The following NF1 variants were observed in gnomAD, a reference collection of about 807,000 sequenced individuals.
NF1 encodes the protein neurofibromin 1, also known as neurofibromin.
Under a neutral mutation model 325.7 loss-of-function variants are expected in NF1, and 122 were observed. That is an observed-to-expected ratio of 0.37 (90% CI 0.32 to 0.44). The LOEUF is 0.44. Among genes scored for constraint, NF1 ranks in the 20% least tolerant of loss-of-function variants. The pLI is 1.00. For synonymous variants in NF1, 1,091 were observed against 1,186.0 expected (o/e 0.92, Z 1.65); for missense variants, 2,140 against 3,415.4 (o/e 0.63, Z 9.31).
chr17:31,134,063 G>C (rs1025808249), intron 1 of NF1, among the ~76,000 whole-genome samples: 1 of 152,102 alleles, frequency 6.6e-6, no homozygotes, highest in Non-Finnish European at 1.5e-5. Flanking sequence ...ATGCAGACTA[G>C]AGTACAGTAT....
In NF1 at chr17:31,330,428, A is replaced by T. The variant is rs1555533874; in HGVS notation, c.5742A>T (p.Thr1914=). 2.5e-6 allele frequency: 4 copies of T among 1,614,008 alleles called. No homozygotes were observed. The highest frequency in any genetic ancestry group is 1.7e-4 in the Middle Eastern group (1 of 6,060). The change falls in exon 39 of 58, where the codon ACA becomes ACT. Residue 1914 remains threonine (T), a synonymous_variant. Transcript: ENST00000358273. ...TCTTTATTGTCTCTATTAGTAAGAC[A>T]CTGGCAGCCAATGAGCCACACCTCA... The part of the protein sequence containing the change: ...NTLFIVSISK[T]LAANEPHLTL...
chr17:31,099,700 C>T (rs1912125572), intron 1 of NF1, among the ~76,000 whole-genome samples: 1 of 151,894 alleles, frequency 6.6e-6, no homozygotes, highest in South Asian at 2.1e-4. Context: ...GCTGGGATTA[C>T]AGGCGCCCAC....
rs2151584968 is a variant in NF1, at chr17:31,358,548, C to T, written c.8039C>T (p.Pro2680Leu). Residue 2680 changes from proline to leucine, a missense_variant, in exon 55 of 58, where the codon CCA (proline) becomes CTA (leucine). Physicochemically the swap from Pro to Leu is moderately conservative, Grantham distance 98. This residue lies in a region of NF1 where 522 missense variants were observed against 749.0 expected (regional missense o/e 0.70). Transcript: ENST00000358273. ...SLCQDPNLLN[P>L]IHGIVQSVVY... ...TGCCAAGATCCAAATTTGTTAAATC[C>T]AATCCATGGAATTGTGCAGAGTGTG... 1 of 1,613,826 alleles carries T rather than the reference C, an allele frequency of 6.2e-7. No homozygotes were observed. The highest frequency in any genetic ancestry group is 8.5e-7 in the Non-Finnish European group (1 of 1,179,860).
At chr17:31,330,200 C>G (rs1042043039) in intron 38 of NF1, 96 bp from the exon 39 acceptor site, 1 of 1,038,870 alleles carries the variant, frequency 9.6e-7, no homozygotes. Flanking sequence ...GTTGATCATA[C>G]TTTGTAACAG....
intron 51 of NF1, among the ~76,000 whole-genome samples, chr17:31,355,461 T>C (rs570864510): frequency 2.0e-5 from 3 of 152,322 alleles, no homozygotes; most frequent in East Asian, 3.9e-4. Context: ...CTATTATGAA[T>C]AGTTATTCAT....
At chr17:31,160,116 C>T (rs767483795) in intron 3 of NF1, among the ~76,000 whole-genome samples, 2 of 152,260 alleles carry the variant, frequency 1.3e-5, no homozygotes, top group Non-Finnish European at 2.9e-5. Context: ...GACAGAGTCT[C>T]ACTCTGCGGC....
chr17:31,181,845 AAAACCTATCATCGT>A, intron 7 of NF1, 60 bp downstream of exon 7: 2 of 1,157,268 alleles, frequency 1.7e-6, no homozygotes, highest in Non-Finnish European at 1.3e-6. Flanking sequence ...TTGTGACATA[AAAACCTATCATCGT>A]TTTCCAAGTT....
intron 36 of NF1, among the ~76,000 whole-genome samples, chr17:31,288,072 A>T (rs1158446988): frequency 6.6e-6 from 1 of 152,014 alleles, no homozygotes; most frequent in Non-Finnish European, 1.5e-5. Context: ...CCTAAAACTT[A>T]AAGTATAATA....
At chr17:31,274,311 G>A (rs2067960723) in intron 36 of NF1, among the ~76,000 whole-genome samples, 1 of 152,006 alleles carries the variant, frequency 6.6e-6, no homozygotes, top group Non-Finnish European at 1.5e-5. Flanking sequence ...TAGCATATAG[G>A]GAAATTGGGT....
Position 31,337,234 on chromosome 17 carries a change from G to A in NF1, c.6428-134G>A, listed in dbSNP as rs1374810500. 9 of 762,484 alleles carry A rather than the reference G, an allele frequency of 1.2e-5. No homozygotes were observed. The East Asian group carries it at 1.9e-4, about 16-fold the overall frequency. The allele number at this position is 762,484 out of a possible 1,614,324, so 47.2% of individuals were successfully genotyped here. The stretch of plus-strand genomic sequence containing the variant: ...GGAGCATTAATACAATGTATCTAGA[G>A]GTTTGATTTAGGGAACATGATTATG... On this transcript the variant is annotated intron_variant, in intron 42 of 57. Coordinates refer to ENST00000358273, the MANE Select transcript of NF1 (RefSeq NM_001042492.3).
rs550872393 is a variant in NF1 at position 31,311,849 on chromosome 17, A to G, written c.4836-13971A>G. Among the ~76,000 whole-genome samples the G allele has an allele frequency of 1.6e-4, 24 of 152,342 alleles. No homozygotes were observed. The South Asian group carries it at 3.9e-3, about 25-fold the overall frequency. ...CTATACTGCCTTTCATAGAAAAGTT[A>G]TGAAATAGAAATGCTTTATGAAGGA... On this transcript the variant is annotated intron_variant, in intron 36 of 57. Coordinates refer to ENST00000358273, the MANE Select transcript of NF1 (RefSeq NM_001042492.3).
intron 8 of NF1, among the ~76,000 whole-genome samples, chr17:31,196,506 T>A (rs1015126227): frequency 2.0e-5 from 3 of 152,328 alleles, no homozygotes; most frequent in Non-Finnish European, 2.9e-5. Flanking sequence ...TTCTTGATAG[T>A]GTCGTTTGAT....
rs368180344 is a variant in NF1, at chr17:31,289,890, T to G, written c.4835+24551T>G. 3.3e-5 allele frequency among the ~76,000 whole-genome samples: 5 copies of G among 152,282 alleles called. 1 individual carries two copies. The highest frequency in any genetic ancestry group is 9.6e-5 in the African/African-American group (4 of 41,568). ...CAATATGTGAACATGGCCATTTCAT[T>G]CTACCTTCCCCATCGTTGGTTTTTT... On this transcript the variant is annotated intron_variant, in intron 36 of 57. Transcript: ENST00000358273.
intron 46 of NF1, chr17:31,340,241 C>A: frequency 2.0e-6 from 1 of 501,108 alleles, no homozygotes; most frequent in African/African-American, 1.9e-5. Flanking sequence ...CTAGAAGAAT[C>A]AACAAACCTT....
chr17:31,107,964 T>C (rs1204650857), intron 1 of NF1, among the ~76,000 whole-genome samples: 3 of 151,500 alleles, frequency 2.0e-5, no homozygotes, highest in African/African-American at 4.9e-5. Context: ...ACAGCTAGTA[T>C]GCACAAAAAA....
chr17:31,191,542 G>A (rs1251824713), intron 8 of NF1, among the ~76,000 whole-genome samples: 1 of 152,150 alleles, frequency 6.6e-6, no homozygotes, highest in Non-Finnish European at 1.5e-5. Context: ...CATACTATAT[G>A]ATTTCTTAAA....
chr17:31,256,206 T>C (rs1281191957), intron 31 of NF1, among the ~76,000 whole-genome samples: 2 of 152,170 alleles, frequency 1.3e-5, no homozygotes, highest in Non-Finnish European at 2.9e-5. Context: ...AGTGGCACGA[T>C]GGCTCACTGC....
At chr17:31,232,621 T>G (rs190681668) in intron 25 of NF1, 79 bp from the exon 26 acceptor site, 3 of 1,338,390 alleles carry the variant, frequency 2.2e-6, no homozygotes, top group Non-Finnish European at 3.2e-6. Context: ...CATGCACATA[T>G]GATTGTTTTG....
At chr17:31,143,593 T>C (rs1916383247) in intron 1 of NF1, among the ~76,000 whole-genome samples, 1 of 152,170 alleles carries the variant, frequency 6.6e-6, no homozygotes, top group Non-Finnish European at 1.5e-5. Flanking sequence ...TTTTAAAATT[T>C]AGTATGAATT....
Sources: gnomAD v4.1 joint callset for allele counts (sites outside exome capture counted in the v4.1 genomes callset) on GRCh38, gnomAD v4.1.1 for gene constraint, gnomAD v4.1.1 regional missense constraint, MANE v1.5 for transcripts, NCBI Gene and HGNC (gene_info 2026-07-23, HGNC 2026-07-21) for gene names.